Variants in ACAP1 observed in about 807,000 individuals in gnomAD.
The protein encoded by ACAP1 is ArfGAP with coiled-coil, ankyrin repeat and PH domains 1, also known as arf-GAP with coiled-coil, ANK repeat and PH domain-containing protein 1.
Under a neutral mutation model 98.8 loss-of-function variants are expected in ACAP1, and 45 were observed. That is an observed-to-expected ratio of 0.46 (90% CI 0.36 to 0.58). The LOEUF is 0.58. Among genes scored for constraint, ACAP1 ranks in the 20% least tolerant of loss-of-function variants. The pLI is 0.00. For synonymous variants in ACAP1, 362 were observed against 375.3 expected (o/e 0.96, Z 0.41); for missense variants, 735 against 971.4 (o/e 0.76, Z 3.24).
chr17:7,346,562 C>T (rs2073348243), intron 12 of ACAP1, 71 bp downstream of exon 12: 3 of 1,365,218 alleles, frequency 2.2e-6, no homozygotes, highest in Middle Eastern at 1.9e-4. Context: ...CAGGGCCCAC[C>T]ACAATGGAGG....
At chr17:7,351,266 C>G (rs776753336) in intron 21 of ACAP1, 29 bp from the exon 22 acceptor site, 13 of 1,579,914 alleles carry the variant, frequency 8.2e-6, no homozygotes, top group Non-Finnish European at 1.0e-5. Context: ...GGGGCCCAGC[C>G]GCCTCCCGGC....
chr17:7,338,080 A>T (rs2073239172), intron 2 of ACAP1, among the ~76,000 whole-genome samples: 1 of 152,046 alleles, frequency 6.6e-6, no homozygotes, highest in South Asian at 2.1e-4. Flanking sequence ...ATGCTCTCTC[A>T]TTCCCCTTAC....
Position 7,341,941 on chromosome 17 carries a change from T to C in ACAP1, c.112-7T>C. Reference sequence around the variant, plus strand: ...CACAGCTCCCTGTTACCCTCCTTCTTTCCCAGCTCCTGAAACTGGGCACTG... The same window carrying C: ...CACAGCTCCCTGTTACCCTCCTTCTCTCCCAGCTCCTGAAACTGGGCACTG... On this transcript the variant is annotated splice_region_variant and splice_polypyrimidine_tract_variant and intron_variant, in intron 2 of 21. Transcript: ENST00000158762. 2 of 1,614,070 alleles carry C rather than the reference T, an allele frequency of 1.2e-6. No homozygotes were observed. Among genetic ancestry groups the C allele is most frequent in the Non-Finnish European group, 1.7e-6 (2 of 1,179,976 alleles).
Position 7,351,391 on chromosome 17 carries a change from T to C in ACAP1, c.2219T>C (p.Leu740Pro), listed in dbSNP as rs776857228. The change falls in exon 22 of 22, where the codon CTG (leucine) becomes CCG (proline). Residue 740 changes from leucine to proline, a missense_variant. Physicochemically the swap from Leu to Pro is moderately conservative, Grantham distance 98. Around this residue, in one of 5 missense-constraint regions of ACAP1, gnomAD observed 142 missense variants for 224.1 expected, o/e 0.63. Transcript: ENST00000158762. Reference sequence around the variant, plus strand: ...CGTCGCAGTCATGACCTCCACACGCTGTGACCCGAGGCCCACGGGGCCCGC... The same window carrying C: ...CGTCGCAGTCATGACCTCCACACGCCGTGACCCGAGGCCCACGGGGCCCGC... Reference protein sequence around the residue: ...LSRRSHDLHTL With the variant: ...LSRRSHDLHTP 6.2e-7 allele frequency: 1 copy of C among 1,610,866 alleles called. No homozygotes were observed. Among genetic ancestry groups the C allele is most frequent in the East Asian group, 2.2e-5 (1 of 44,728 alleles).
rs2073347064 is a variant in ACAP1, at chr17:7,346,447, T to C, written c.963T>C (p.Pro321=). ...DLRLCTVKLC[P]DSERRFCFEV... is the part of the protein sequence containing the mutation. Reference sequence around the variant, plus strand: ...GTCTCTGCACAGTGAAACTCTGCCCTGACTCAGAAAGGCGGTTCTGCTTTG... The same window carrying C: ...GTCTCTGCACAGTGAAACTCTGCCCCGACTCAGAAAGGCGGTTCTGCTTTG... Residue 321 remains proline, a synonymous_variant, in exon 12 of 22, where the codon CCT becomes CCC. Transcript: ENST00000158762. 3 of 1,613,410 alleles carry C rather than the reference T, an allele frequency of 1.9e-6. No homozygotes were observed. The highest frequency in any genetic ancestry group is 1.3e-5 in the African/African-American group (1 of 75,014).
At position 7,346,231 on chromosome 17, in the gene ACAP1, C is replaced by T. The variant is rs1196697758; in HGVS notation, c.855-13C>T. 3 of 1,613,598 alleles carry T rather than the reference C, an allele frequency of 1.9e-6. No individual in the cohort carries two copies. The highest frequency in any genetic ancestry group is 1.7e-6 in the Non-Finnish European group (2 of 1,179,530). ...AAGCTGCCTATGTCTGTAATGATTT[C>T]CTTCTCTTACAGACGCTGGTTCACC... On this transcript the variant is annotated splice_polypyrimidine_tract_variant and intron_variant, in intron 10 of 21. Coordinates refer to ENST00000158762, the MANE Select transcript of ACAP1 (RefSeq NM_014716.4).
chr17:7,348,644 G>A (rs1284147374), intron 17 of ACAP1, 169 bp downstream of exon 17: 3 of 777,270 alleles, frequency 3.9e-6, no homozygotes, highest in Non-Finnish European at 5.8e-6. Flanking sequence ...AGAATGAGAA[G>A]GAATGTGGGG....
In ACAP1 at chr17:7,347,923, A is replaced by G. The variant is rs1273956697; in HGVS notation, c.1345A>G (p.Ser449Gly). ...LCIQCSGIHR[S>G]LGVHFSKVRS... ...GACCCTCCCCCTCTGGCCCTCCAGG[A>G]GCCTTGGTGTTCACTTCTCCAAAGT... Residue 449 changes from serine (S) to glycine (G), a missense_variant and splice_region_variant, in exon 15 of 22, where the codon AGC becomes GGC. By Grantham distance (56) the Ser-to-Gly change is moderately conservative. Coordinates refer to ENST00000158762, the MANE Select transcript of ACAP1 (RefSeq NM_014716.4). 1 of 1,613,936 alleles carries G rather than the reference A, an allele frequency of 6.2e-7. No individual in the cohort carries two copies. The highest frequency in any genetic ancestry group is 8.5e-7 in the Non-Finnish European group (1 of 1,179,986).
rs762311586 is a variant in ACAP1, at chr17:7,347,065, C to G, written c.1166C>G (p.Thr389Ser). ...SGHLAIGSAA[T>S]LGSGGMARGR... The stretch of plus-strand genomic sequence containing the variant: ...CACCTGGCCATAGGCTCTGCTGCCA[C>G]CCTGGGCTCTGGTGGAATGGCCAGG... Residue 389 changes from threonine (T) to serine (S), a missense_variant, in exon 14 of 22, where the codon ACC (threonine) becomes AGC (serine). Physicochemically the swap from Thr to Ser is moderately conservative, Grantham distance 58 (BLOSUM62 1). Coordinates refer to ENST00000158762, the MANE Select transcript of ACAP1 (RefSeq NM_014716.4). The G allele has an allele frequency of 6.2e-7, 1 of 1,608,890 alleles. No individual in the cohort carries two copies. The highest frequency in any genetic ancestry group is 1.7e-5 in the Admixed American group (1 of 59,644).
chr17:7,341,369 G>A (rs536191280), intron 2 of ACAP1, among the ~76,000 whole-genome samples: 1 of 152,260 alleles, frequency 6.6e-6, no homozygotes, highest in South Asian at 2.1e-4. Context: ...AGCCTCCCAA[G>A]TAGCTGGGAT....
intron 18 of ACAP1, 45 bp from the exon 19 acceptor site, chr17:7,349,900 C>A: frequency 6.8e-7 from 1 of 1,476,488 alleles, no homozygotes. Context: ...AAATCCACCA[C>A]TAGGGATGCC....
At chr17:7,347,309 G>T (rs938757050) in intron 14 of ACAP1, 67 bp downstream of exon 14, 24 of 1,389,910 alleles carry the variant, frequency 1.7e-5, no homozygotes, top group Admixed American at 4.0e-5. Context: ...AATACAGAGC[G>T]CATCACACCG....
At chr17:7,348,086 C>G (rs769671039) in intron 15 of ACAP1, 41 bp from the exon 16 acceptor site, 3 of 1,612,036 alleles carry the variant, frequency 1.9e-6, no homozygotes, top group South Asian at 2.2e-5. Flanking sequence ...GTCACTCACC[C>G]CCACCTTCCC....
Position 7,348,334 on chromosome 17 carries a change from A to G in ACAP1, c.1537A>G (p.Lys513Glu), listed in dbSNP as rs1416956799. The change falls in exon 17 of 22, where the codon AAA (lysine) becomes GAA (glutamate). Residue 513 changes from lysine to glutamate, a missense_variant. Transcript: ENST00000158762. Reference protein sequence around the residue: ...RQEKEAWIHAKYVEKKFLTKL... With the variant: ...RQEKEAWIHAEYVEKKFLTKL... ...GGAGAAGGAGGCCTGGATTCACGCT[A>G]AATACGTGGAGAAGAAGTTCCTGAC... The G allele has an allele frequency of 6.3e-7, 1 of 1,577,618 alleles. No homozygotes were observed. The highest frequency in any genetic ancestry group is 8.6e-7 in the Non-Finnish European group (1 of 1,160,860).
At chr17:7,342,792 C>A in intron 5 of ACAP1, 1 of 402,490 alleles carries the variant, frequency 2.5e-6, no homozygotes. Context: ...CCTGTAATCC[C>A]AGCTACTCAG....
intron 1 of ACAP1, 101 bp from the exon 2 acceptor site, chr17:7,337,211 C>T (rs1187186139): frequency 8.9e-7 from 1 of 1,119,690 alleles, no homozygotes; most frequent in Admixed American, 1.8e-5. Context: ...AACTCTGCAG[C>T]TTTCTCCTCC....
In ACAP1 at chr17:7,346,494, G is replaced by A; in HGVS notation, c.1007+3G>A. ...TTTGAGGTGGTGTCCACCAGCAAGT[G>A]AGTGCAATCCCCAGGGGTGATACTC... On this transcript the variant is annotated splice_donor_region_variant and intron_variant, in intron 12 of 21. Coordinates refer to ENST00000158762, the MANE Select transcript of ACAP1 (RefSeq NM_014716.4). 1 of 1,601,998 alleles carries A rather than the reference G, an allele frequency of 6.2e-7. No homozygotes were observed.
chr17:7,342,537 G>A lies in ACAP1; in HGVS notation c.344+63G>A, dbSNP rs563417882. 1,083 of 1,560,162 alleles carry A rather than the reference G, an allele frequency of 6.9e-4. 16 individuals carry two copies. The South Asian group carries it at 0.011, about 16-fold the overall frequency. ...TCCCAACACTTTGGAAGGCCAAGGC[G>A]GGAGGATTGCTTGAGCCCAGGAGTT... On this transcript the variant is annotated intron_variant, in intron 5 of 21. Coordinates refer to ENST00000158762, the MANE Select transcript of ACAP1 (RefSeq NM_014716.4).
intron 12 of ACAP1, 93 bp from the exon 13 acceptor site, chr17:7,346,715 G>A (rs1220782481): frequency 2.8e-6 from 4 of 1,443,580 alleles, no homozygotes; most frequent in Non-Finnish European, 3.8e-6. Context: ...ACTGGAACTG[G>A]TTGAATACTG....
Sources: gnomAD v4.1 joint callset for allele counts (sites outside exome capture counted in the v4.1 genomes callset) on GRCh38, gnomAD v4.1.1 for gene constraint, gnomAD v4.1.1 regional missense constraint, MANE v1.5 for transcripts, NCBI Gene and HGNC (gene_info 2026-07-23, HGNC 2026-07-21) for gene names.